Variants in CEP128 observed in about 807,000 individuals in gnomAD.
The protein encoded by CEP128 is centrosomal protein 128kDa.
In CEP128, 132 loss-of-function variants were observed where a neutral mutation model predicts 156.7. The observed-to-expected ratio is 0.84, with a 90% confidence interval of 0.73 to 0.97. The LOEUF is 0.97. CEP128 is among the 50% of genes least tolerant of loss of function. CEP128 has a pLI of 0.00. For synonymous variants in CEP128, 469 were observed against 448.9 expected, an observed-to-expected ratio of 1.04 and a Z score of -0.57; for missense variants, 1,252 against 1,281.9, an observed-to-expected ratio of 0.98 and a Z score of 0.36.
chr14:80,801,484 T>A (rs1465931588), intron 13 of CEP128, among the ~76,000 whole-genome samples: 3 of 152,094 alleles, frequency 2.0e-5, no homozygotes, highest in African/African-American at 4.8e-5. Context: ...TTTTGCTGCA[T>A]TTATTGAGAA....
chr14:80,790,306 AAACATTCAGAAAAGCATATACTAT>A, intron 14 of CEP128, among the ~76,000 whole-genome samples: 1 of 152,174 alleles, frequency 6.6e-6, no homozygotes, highest in East Asian at 1.9e-4. Context: ...AAAAAAATGG[AAACATTCAGAAAAGCATATACTAT>A]GATTGGAGTC....
At chr14:80,681,043 A>G (rs1341157560) in intron 19 of CEP128, among the ~76,000 whole-genome samples, 1 of 151,814 alleles carries the variant, frequency 6.6e-6, no homozygotes, top group African/African-American at 2.4e-5. Flanking sequence ...TGCTGGCTAT[A>G]GTCGGCTCTT....
At chr14:80,940,113 C>T (rs1316571338) in intron 1 of CEP128, among the ~76,000 whole-genome samples, 1 of 151,928 alleles carries the variant, frequency 6.6e-6, no homozygotes, top group Admixed American at 6.6e-5. Flanking sequence ...ATCCAGAGAA[C>T]TGGGAGTTGT....
At chr14:80,759,358 T>C (rs1317518443) in intron 17 of CEP128, among the ~76,000 whole-genome samples, 1 of 152,200 alleles carries the variant, frequency 6.6e-6, no homozygotes, top group African/African-American at 2.4e-5. Context: ...TCATCAGCAA[T>C]ATTTCAAGAA....
chr14:80,928,831 T>C (rs1885288977), intron 2 of CEP128, among the ~76,000 whole-genome samples: 1 of 152,072 alleles, frequency 6.6e-6, no homozygotes, highest in African/African-American at 2.4e-5. Context: ...AGGCAACAAA[T>C]TTATGACTAA....
intron 8 of CEP128, among the ~76,000 whole-genome samples, chr14:80,887,602 C>A (rs944736721): frequency 2.6e-5 from 4 of 152,078 alleles, no homozygotes; most frequent in Middle Eastern, 3.2e-3. Context: ...CACAACGTAC[C>A]AGAATGTCTG....
At chr14:80,924,582 A>G (rs746746506) in intron 2 of CEP128, among the ~76,000 whole-genome samples, 5 of 152,178 alleles carry the variant, frequency 3.3e-5, no homozygotes, top group Non-Finnish European at 5.9e-5. Flanking sequence ...AAGGATGCAC[A>G]TAAGTTTGAC....
At position 80,742,102 on chromosome 14, in the gene CEP128, T is replaced by G. The variant is rs190282641; in HGVS notation, c.2806+973A>C. On this transcript the variant is annotated intron_variant, in intron 19 of 24. Coordinates refer to ENST00000555265, the MANE Select transcript of CEP128 (RefSeq NM_152446.5). Reference sequence around the variant, plus strand: ...TAACAGCATTTGCTTGGTAGCAGATTAAAGTGTTCATTACGTCCAAATCCA... The same window carrying G: ...TAACAGCATTTGCTTGGTAGCAGATGAAAGTGTTCATTACGTCCAAATCCA... 5.6e-4 allele frequency among the ~76,000 whole-genome samples: 86 copies of G among 152,322 alleles called. 1 individual carries two copies. Among genetic ancestry groups the G allele is most frequent in the Admixed American group, 3.1e-3 (48 of 15,278 alleles).
chr14:80,709,777 C>T (rs1260201701), intron 19 of CEP128, among the ~76,000 whole-genome samples: 1 of 152,082 alleles, frequency 6.6e-6, no homozygotes, highest in Non-Finnish European at 1.5e-5. Context: ...AGGCTAATTA[C>T]ACCTAGGTAG....
chr14:80,521,537 GAGC>G (rs1374300290), intron 23 of CEP128, among the ~76,000 whole-genome samples: 2 of 152,168 alleles, frequency 1.3e-5, no homozygotes, highest in Non-Finnish European at 2.9e-5. Flanking sequence ...TAATTTTGAA[GAGC>G]AGGATGAAAT....
intron 13 of CEP128, among the ~76,000 whole-genome samples, chr14:80,814,320 T>C (rs117173800): frequency 0.013 from 1,947 of 152,286 alleles, 24 homozygotes; most frequent in Non-Finnish European, 0.019. Flanking sequence ...GCCCCATATA[T>C]CTCTTATGAA....
intron 12 of CEP128, among the ~76,000 whole-genome samples, chr14:80,833,709 T>TA (rs1885931025): frequency 6.6e-6 from 1 of 151,664 alleles, no homozygotes; most frequent in African/African-American, 2.4e-5. Flanking sequence ...GAAAAGAAAA[T>TA]AGATTACAGA....
intron 13 of CEP128, chr14:80,822,435 T>A: frequency 2.1e-6 from 1 of 476,186 alleles, no homozygotes. Context: ...ATGGGAGCAG[T>A]GTGAAGAAGA....
intron 16 of CEP128, among the ~76,000 whole-genome samples, chr14:80,771,810 T>A (rs1235305593): frequency 6.6e-6 from 1 of 152,166 alleles, no homozygotes; most frequent in Non-Finnish European, 1.5e-5. Flanking sequence ...TGTCTCCAAT[T>A]AACACTGGCC....
intron 18 of CEP128, among the ~76,000 whole-genome samples, chr14:80,753,361 A>G (rs1899486209): frequency 6.6e-6 from 1 of 152,240 alleles, no homozygotes. Context: ...AAAAGTATAT[A>G]AATTCACCTT....
intron 19 of CEP128, among the ~76,000 whole-genome samples, chr14:80,663,627 C>A (rs574623771): frequency 6.6e-6 from 1 of 152,208 alleles, no homozygotes; most frequent in African/African-American, 2.4e-5. Context: ...GACTGAGCCT[C>A]TTCTCTGTGC....
chr14:80,741,028 G>C (rs967611660), intron 19 of CEP128, among the ~76,000 whole-genome samples: 1 of 152,068 alleles, frequency 6.6e-6, no homozygotes, highest in Non-Finnish European at 1.5e-5. Flanking sequence ...TTCAGGCCAT[G>C]TCAATTTCTA....
intron 5 of CEP128, 21 bp from the exon 6 acceptor site, chr14:80,904,952 G>A (rs1246551037): frequency 1.5e-6 from 2 of 1,359,712 alleles, no homozygotes; most frequent in Admixed American, 1.7e-5. Context: ...GAAAGAAAAG[G>A]GAAGGTATTA....
intron 19 of CEP128, among the ~76,000 whole-genome samples, chr14:80,638,529 T>A (rs146450832): frequency 6.6e-6 from 1 of 152,210 alleles, no homozygotes; most frequent in African/African-American, 2.4e-5. Context: ...TGTCAACTTA[T>A]CAGAGAGGAC....
Sources: gnomAD v4.1 joint callset for allele counts (sites outside exome capture counted in the v4.1 genomes callset) on GRCh38, gnomAD v4.1.1 for gene constraint, MANE v1.5 for transcripts, NCBI Gene and HGNC (gene_info 2026-07-23, HGNC 2026-07-21) for gene names.